Variants in MOB4 observed in about 807,000 individuals in gnomAD.
MOB4 encodes the protein MOB-like protein phocein.
Under a neutral mutation model 32.2 loss-of-function variants are expected in MOB4, and 4 were observed. That is an observed-to-expected ratio of 0.12 (90% CI 0.06 to 0.28). The LOEUF is 0.28. Among genes scored for constraint, MOB4 ranks in the 10% least tolerant of loss-of-function variants. MOB4 has a pLI of 1.00. For synonymous variants in MOB4, 88 were observed against 88.1 expected (o/e 1.00, Z 0.01); for missense variants, 158 against 271.2 (o/e 0.58, Z 2.93).
At chr2:197,529,403 G>T (rs1360447551) in intron 2 of MOB4, among the ~76,000 whole-genome samples, 2 of 151,838 alleles carry the variant, frequency 1.3e-5, no homozygotes, top group Non-Finnish European at 2.9e-5. Context: ...CCAGACTGGA[G>T]TACGGTGGCG....
At chr2:197,536,695 G>A (rs1156761572) in intron 3 of MOB4, among the ~76,000 whole-genome samples, 4 of 143,858 alleles carry the variant, frequency 2.8e-5, no homozygotes, top group Non-Finnish European at 6.0e-5. Flanking sequence ...TCTGCCTCCC[G>A]AGTTCAAGTG....
At chr2:197,528,686 G>C (rs1351323112) in intron 2 of MOB4, among the ~76,000 whole-genome samples, 4 of 144,086 alleles carry the variant, frequency 2.8e-5, no homozygotes, top group African/African-American at 7.8e-5. Flanking sequence ...CACAATCTCT[G>C]CTCACTGCAA....
At chr2:197,518,777 C>G (rs942461631) in intron 1 of MOB4, among the ~76,000 whole-genome samples, 1 of 150,830 alleles carries the variant, frequency 6.6e-6, no homozygotes, top group Non-Finnish European at 1.5e-5. Flanking sequence ...TTTTTTGAGA[C>G]AAGAGTCTCA....
intron 3 of MOB4, among the ~76,000 whole-genome samples, chr2:197,539,480 G>A (rs561707386): frequency 2.6e-5 from 4 of 151,918 alleles, no homozygotes; most frequent in Non-Finnish European, 4.4e-5. Context: ...TATTATGCCC[G>A]GCTAATTTTT....
Position 197,516,137 on chromosome 2 carries a change from C to G in MOB4, c.51C>G (p.Thr17=), listed in dbSNP as rs2086406286. The change falls in exon 1 of 8, where the codon ACC becomes ACG. Residue 17 remains threonine, a synonymous_variant. Coordinates refer to ENST00000323303, the MANE Select transcript of MOB4 (RefSeq NM_015387.5). ...TGCTGAGGCGGAACAGGCCGGGCAC[C>G]AAGGCGCAGGTACCATGTCTGCACT... ...TAVLRRNRPG[T]KAQDFYNWPD... is the part of the protein sequence containing the mutation. 1 of 1,603,670 alleles carries G rather than the reference C, an allele frequency of 6.2e-7. No homozygotes were observed.
Position 197,516,346 on chromosome 2 carries a change from C to G in MOB4, c.60+200C>G, listed in dbSNP as rs1250726891. ...GGCCGCCGTGAGGCCTGCGGAGCTC[C>G]GACCCAGGGGTAGGCGTGAGGGGCG... On this transcript the variant is annotated intron_variant, in intron 1 of 7. Coordinates refer to ENST00000323303, the MANE Select transcript of MOB4 (RefSeq NM_015387.5). The G allele has an allele frequency of 2.2e-5, 31 of 1,423,204 alleles. No homozygotes were observed. The East Asian group carries it at 7.3e-4, about 33-fold the overall frequency. The allele number at this position is 1,423,204 out of a possible 1,614,324, so 88.2% of individuals were successfully genotyped here.
intron 1 of MOB4, chr2:197,516,776 C>T (rs757625339): frequency 1.1e-5 from 5 of 470,402 alleles, no homozygotes; most frequent in African/African-American, 6.0e-5. Flanking sequence ...TGCTAATATG[C>T]GTGAAGCATA....
At chr2:197,516,283 C>G (rs981680072) in intron 1 of MOB4, 137 bp downstream of exon 1, 9 of 1,452,846 alleles carry the variant, frequency 6.2e-6, no homozygotes, top group Non-Finnish European at 8.1e-6. Context: ...GCCTGCTCTT[C>G]CGGAGCTGCA....
chr2:197,525,508 G>A (rs998359003), intron 2 of MOB4, among the ~76,000 whole-genome samples: 3 of 152,036 alleles, frequency 2.0e-5, no homozygotes, highest in Non-Finnish European at 4.4e-5. Flanking sequence ...GGCCGAGGAG[G>A]GAGGATCACT....
At chr2:197,525,440 A>G (rs1448379519) in intron 2 of MOB4, among the ~76,000 whole-genome samples, 1 of 152,100 alleles carries the variant, frequency 6.6e-6, no homozygotes, top group East Asian at 1.9e-4. Context: ...TTATTTGAGC[A>G]TTAAAAACCA....
Position 197,550,675 on chromosome 2 carries a change from A to C in MOB4, c.*29A>C. 1 of 1,565,476 alleles carries C rather than the reference A, an allele frequency of 6.4e-7. No individual in the cohort carries two copies. The highest frequency in any genetic ancestry group is 1.2e-5 in the South Asian group (1 of 80,956). On this transcript the variant is annotated 3_prime_UTR_variant, in exon 8 of 8. Coordinates refer to ENST00000323303, the MANE Select transcript of MOB4 (RefSeq NM_015387.5). ...GAATCATAGGAAAAATGTACTGATCATATAATTAACATTATGTACTGTATA... is the reference window on the plus strand; with the variant it reads ...GAATCATAGGAAAAATGTACTGATCCTATAATTAACATTATGTACTGTATA...
At chr2:197,547,888 T>A (rs1231566115) in intron 5 of MOB4, among the ~76,000 whole-genome samples, 1 of 152,224 alleles carries the variant, frequency 6.6e-6, no homozygotes, top group African/African-American at 2.4e-5. Flanking sequence ...TAAGTCAGAT[T>A]TATTAAAATA....
At chr2:197,539,893 C>T (rs1023275208) in intron 3 of MOB4, among the ~76,000 whole-genome samples, 3 of 152,172 alleles carry the variant, frequency 2.0e-5, no homozygotes, top group Non-Finnish European at 4.4e-5. Flanking sequence ...ATGATCAGCT[C>T]ACTTAACTCT....
chr2:197,548,265 C>A, intron 5 of MOB4, 71 bp from the exon 6 acceptor site: 1 of 1,310,280 alleles, frequency 7.6e-7, no homozygotes, highest in Non-Finnish European at 1.1e-6. Context: ...TAAGGTATAC[C>A]CATATAATGA....
At chr2:197,524,206 C>T (rs1274320095) in intron 2 of MOB4, among the ~76,000 whole-genome samples, 4 of 152,070 alleles carry the variant, frequency 2.6e-5, no homozygotes, top group African/African-American at 7.2e-5. Flanking sequence ...TGTACTTCAA[C>T]CTGGGTGACA....
intron 1 of MOB4, among the ~76,000 whole-genome samples, chr2:197,523,093 G>C (rs1187171073): frequency 1.3e-5 from 2 of 151,838 alleles, no homozygotes; most frequent in South Asian, 4.1e-4. Context: ...GTAAAAATCT[G>C]ATTTACTTTT....
intron 5 of MOB4, among the ~76,000 whole-genome samples, chr2:197,544,552 G>A (rs924515449): frequency 1.3e-5 from 2 of 152,142 alleles, no homozygotes; most frequent in Non-Finnish European, 2.9e-5. Flanking sequence ...AGGAGATCAA[G>A]ACCATCCTGG....
At chr2:197,528,953 C>T (rs941556835) in intron 2 of MOB4, among the ~76,000 whole-genome samples, 1 of 151,366 alleles carries the variant, frequency 6.6e-6, no homozygotes, top group Non-Finnish European at 1.5e-5. Context: ...GTCTGAAGAA[C>T]TTCCTTTAGT....
chr2:197,523,185 A>G (rs1038306837), intron 1 of MOB4, among the ~76,000 whole-genome samples: 16 of 152,122 alleles, frequency 1.1e-4, no homozygotes, highest in East Asian at 5.8e-4. Flanking sequence ...TGTCTCCCCA[A>G]TTAAGTAATA....
Sources: gnomAD v4.1 joint callset for allele counts (sites outside exome capture counted in the v4.1 genomes callset) on GRCh38, gnomAD v4.1.1 for gene constraint, MANE v1.5 for transcripts, NCBI Gene and HGNC (gene_info 2026-07-23, HGNC 2026-07-21) for gene names.